IL1RAP: variants seen among roughly 807,000 people sequenced by gnomAD.
IL1RAP encodes the protein interleukin 1 receptor accessory protein.
A neutral mutation model predicts 60.7 loss-of-function variants in IL1RAP; 35 were observed. The observed-to-expected ratio is 0.58, with a 90% CI of 0.44 to 0.76. The LOEUF is 0.76. Among genes scored for constraint, IL1RAP ranks in the 30% least tolerant of loss-of-function variants. The pLI is 0.00. For missense variants in IL1RAP, 572 were observed against 693.9 expected, an observed-to-expected ratio of 0.82 and a Z score of 1.97; for synonymous variants, 268 against 250.9, an observed-to-expected ratio of 1.07 and a Z score of -0.64.
chr3:190,527,782 C>T (rs536822976), intron 1 of IL1RAP, among the ~76,000 whole-genome samples: 24 of 129,942 alleles, frequency 1.8e-4, no homozygotes, highest in African/African-American at 5.4e-4. Flanking sequence ...TCAGATGTTT[C>T]GATATTCCTG....
chr3:190,596,181 A>G (rs1008368120), intron 3 of IL1RAP, among the ~76,000 whole-genome samples: 1 of 152,188 alleles, frequency 6.6e-6, no homozygotes, highest in Non-Finnish European at 1.5e-5. Context: ...CTGATTTTTT[A>G]TACTTATATG....
intron 1 of IL1RAP, among the ~76,000 whole-genome samples, chr3:190,536,321 C>T (rs978585787): frequency 2.6e-5 from 4 of 151,646 alleles, no homozygotes; most frequent in South Asian, 2.1e-4. Context: ...TCTTAGTTAC[C>T]GTTTGCAGCT....
chr3:190,654,772 G>A (rs1472111810), downstream of IL1RAP, among the ~76,000 whole-genome samples: 5 of 152,098 alleles, frequency 3.3e-5, no homozygotes, highest in African/African-American at 1.2e-4. Flanking sequence ...GGTGACTCTG[G>A]CACATGTTTT....
chr3:190,659,512 A>G (rs1734717092), exon 12 of IL1RAP: 1 of 152,228 alleles, frequency 6.6e-6, no homozygotes, highest in African/African-American at 2.4e-5. Context: ...ATTTCAATGA[A>G]GCAAATTATA....
chr3:190,585,031 G>A (rs942788676), intron 3 of IL1RAP, among the ~76,000 whole-genome samples: 1 of 152,168 alleles, frequency 6.6e-6, no homozygotes, highest in African/African-American at 2.4e-5. Flanking sequence ...CCATAGGGAT[G>A]TATAGATGGT....
chr3:190,563,272 A>G (rs1430620534), intron 2 of IL1RAP, among the ~76,000 whole-genome samples: 2 of 152,282 alleles, frequency 1.3e-5, no homozygotes, highest in Non-Finnish European at 2.9e-5. Context: ...TGTGGATATA[A>G]ATAGCATCTT....
chr3:190,571,054 C>G (rs1342548836), intron 3 of IL1RAP, among the ~76,000 whole-genome samples: 1 of 152,108 alleles, frequency 6.6e-6, no homozygotes, highest in African/African-American at 2.4e-5. Flanking sequence ...GGAACCTTCT[C>G]CAGGACCTAC....
At chr3:190,638,787 C>T (rs765327434) in intron 9 of IL1RAP, among the ~76,000 whole-genome samples, 4 of 151,892 alleles carry the variant, frequency 2.6e-5, no homozygotes, top group African/African-American at 7.3e-5. Context: ...CCTTTCATAC[C>T]GATATCCAGT....
downstream of IL1RAP, among the ~76,000 whole-genome samples, chr3:190,652,599 G>A (rs1232001649): frequency 2.0e-5 from 3 of 152,068 alleles, no homozygotes; most frequent in South Asian, 6.2e-4. Context: ...TAGGATCAAC[G>A]GATCGAAGTT....
intron 5 of IL1RAP, among the ~76,000 whole-genome samples, chr3:190,612,210 G>A (rs1730879860): frequency 6.6e-6 from 1 of 151,900 alleles, no homozygotes; most frequent in Admixed American, 6.6e-5. Flanking sequence ...AGATACAGGA[G>A]CTCGTTGTCC....
At chr3:190,570,196 A>G (rs1279514125) in intron 3 of IL1RAP, among the ~76,000 whole-genome samples, 5 of 152,228 alleles carry the variant, frequency 3.3e-5, no homozygotes, top group Non-Finnish European at 1.5e-5. Flanking sequence ...TTAACAAATA[A>G]TTTGGGAACC....
chr3:190,609,936 T>C (rs1042978474), intron 5 of IL1RAP, among the ~76,000 whole-genome samples: 8 of 152,236 alleles, frequency 5.3e-5, no homozygotes, highest in Admixed American at 4.6e-4. Flanking sequence ...AGGTACTCAC[T>C]GGAAAGTGTG....
chr3:190,616,373 A>G (rs1394803736), intron 5 of IL1RAP, among the ~76,000 whole-genome samples: 1 of 152,036 alleles, frequency 6.6e-6, no homozygotes, highest in African/African-American at 2.4e-5. Context: ...AAATAATTGA[A>G]TGAATTAGCC....
chr3:190,550,316 C>T (rs1299146403), intron 1 of IL1RAP: 2 of 152,156 alleles, frequency 1.3e-5, no homozygotes, highest in African/African-American at 4.8e-5. Flanking sequence ...GCCTCTGGAT[C>T]CCTTAGATCC....
intron 1 of IL1RAP, among the ~76,000 whole-genome samples, chr3:190,521,762 G>C (rs1722038361): frequency 6.6e-6 from 1 of 151,754 alleles, no homozygotes; most frequent in South Asian, 2.1e-4. Context: ...ATCCCCTTCA[G>C]GACCCAGGTT....
At chr3:190,530,723 C>G (rs565907971) in intron 1 of IL1RAP, among the ~76,000 whole-genome samples, 26 of 152,198 alleles carry the variant, frequency 1.7e-4, no homozygotes, top group Non-Finnish European at 3.1e-4. Context: ...GAGGAGAGAT[C>G]CTATAAAAAC....
intron 9 of IL1RAP, among the ~76,000 whole-genome samples, chr3:190,631,507 C>A (rs919676679): frequency 7.2e-5 from 11 of 152,060 alleles, no homozygotes; most frequent in Admixed American, 1.3e-4. Flanking sequence ...TCCGGTGGTA[C>A]CAGAGGAGTT....
At chr3:190,552,843 A>C (rs1280866135) in intron 1 of IL1RAP, among the ~76,000 whole-genome samples, 1 of 152,260 alleles carries the variant, frequency 6.6e-6, no homozygotes, top group Non-Finnish European at 1.5e-5. Context: ...AACAAGGTCC[A>C]AGAAAAGGAA....
At chr3:190,537,374 C>T (rs982174372) in intron 1 of IL1RAP, among the ~76,000 whole-genome samples, 16 of 152,098 alleles carry the variant, frequency 1.1e-4, no homozygotes, top group African/African-American at 2.2e-4. Flanking sequence ...GGCAGCTGTA[C>T]GAAAACCTAT....
Sources: gnomAD v4.1 joint callset for allele counts (sites outside exome capture counted in the v4.1 genomes callset) on GRCh38, gnomAD v4.1.1 for gene constraint, MANE v1.5 for transcripts, NCBI Gene and HGNC (gene_info 2026-07-23, HGNC 2026-07-21) for gene names.